The following EXOC3L2 variants were observed in gnomAD, a reference collection of about 807,000 sequenced individuals.
EXOC3L2 encodes exocyst complex component 3 like 2.
Under a neutral mutation model 44.4 loss-of-function variants are expected in EXOC3L2, and 17 were observed. That is an observed-to-expected ratio of 0.38 (90% CI 0.26 to 0.57). The LOEUF is 0.57. Among genes scored for constraint, EXOC3L2 ranks in the 20% least tolerant of loss-of-function variants. The pLI is 0.65. For missense variants in EXOC3L2, 541 were observed against 588.4 expected (o/e 0.92, Z 0.83); for synonymous variants, 256 against 253.7 (o/e 1.01, Z -0.09).
intron 1 of EXOC3L2, among the ~76,000 whole-genome samples, chr19:45,242,570 T>C (rs973706156): frequency 1.3e-5 from 2 of 151,974 alleles, no homozygotes; most frequent in Non-Finnish European, 2.9e-5. Flanking sequence ...GATTTTTGTT[T>C]TAAAGAACAA....
chr19:45,213,089 G>T lies in EXOC3L2; in HGVS notation c.2389C>A (p.Arg797=), dbSNP rs773913818. Reference sequence around the variant, plus strand: ...GACCCTCAGCGCTGGGCCCGAGGTCGCGCTAGAGACGGAGGCCGGGGCCGA... The same window carrying T: ...GACCCTCAGCGCTGGGCCCGAGGTCTCGCTAGAGACGGAGGCCGGGGCCGA... ...LPRPRPPSLA[R]PRAQR The change falls in exon 12 of 12, where the codon CGA becomes AGA. Residue 797 remains arginine, a synonymous_variant. Coordinates refer to ENST00000413988, the MANE Select transcript of EXOC3L2 (RefSeq NM_001382422.1). The T allele has an allele frequency of 6.6e-7, 1 of 1,513,920 alleles. No individual in the cohort carries two copies. Among genetic ancestry groups the T allele is most frequent in the Non-Finnish European group, 8.8e-7 (1 of 1,136,194 alleles). The allele number at this position is 1,513,920 out of a possible 1,614,324, so 93.8% of individuals were successfully genotyped here.
chr19:45,217,668 G>T lies in EXOC3L2; in HGVS notation c.1858C>A (p.Leu620Ile), dbSNP rs547242531. 2 of 1,408,424 alleles carry T rather than the reference G, an allele frequency of 1.4e-6. No individual in the cohort carries two copies. Among genetic ancestry groups the T allele is most frequent in the Admixed American group, 3.3e-5 (1 of 30,118 alleles). 87.2% of individuals were successfully genotyped at this position (1,408,424 alleles called of 1,614,324 possible). A position where few individuals can be genotyped will look rare whatever the true frequency, so the allele number is the denominator to read the frequency against. Residue 620 changes from leucine to isoleucine, a missense_variant, in exon 10 of 12, where the codon CTA becomes ATA. Leu to Ile is a conservative substitution (Grantham distance 5). Coordinates refer to ENST00000413988, the MANE Select transcript of EXOC3L2 (RefSeq NM_001382422.1). The stretch of plus-strand genomic sequence containing the variant: ...TACTCGACCAGCGCCCGCCGGTGTA[G>T]CTCGGCTACCAGCGCCTGGAGGCGG... ...DEPYQALVAE[L>I]HRRALVEYVR...
intron 1 of EXOC3L2, among the ~76,000 whole-genome samples, chr19:45,242,899 C>T (rs1479438931): frequency 6.6e-6 from 1 of 150,612 alleles, no homozygotes; most frequent in Non-Finnish European, 1.5e-5. Context: ...CAAATGCGTG[C>T]AGCCTCCTCC....
chr19:45,216,167 C>T lies in EXOC3L2; in HGVS notation c.2026G>A (p.Val676Met), dbSNP rs776797360. Residue 676 changes from valine to methionine, a missense_variant, in exon 11 of 12, where the codon GTG (valine) becomes ATG (methionine). By Grantham distance (21) the Val-to-Met change is conservative (BLOSUM62 1). Transcript: ENST00000413988. ...LESQASWLDA[V>M]VPHLAEVMQL... is the part of the protein sequence containing the mutation. ...ATGACTTCAGCCAAATGGGGCACCA[C>T]GGCATCCAGCCACGAGGCCTGGGAC... 24 of 1,613,754 alleles carry T rather than the reference C, an allele frequency of 1.5e-5. No individual in the cohort carries two copies. Among genetic ancestry groups the T allele is most frequent in the South Asian group, 1.4e-4 (13 of 91,080 alleles).
At chr19:45,221,915 G>A (rs1028698897) in intron 8 of EXOC3L2, among the ~76,000 whole-genome samples, 7 of 151,864 alleles carry the variant, frequency 4.6e-5, no homozygotes, top group African/African-American at 1.7e-4. Context: ...CTTCAAAAGT[G>A]CTGGGATTAC....
chr19:45,221,038 G>T (rs10407277), intron 8 of EXOC3L2, among the ~76,000 whole-genome samples: 18 of 149,962 alleles, frequency 1.2e-4, no homozygotes, highest in South Asian at 2.1e-4. Context: ...AGACAGGGGC[G>T]GGGGGAGGGT....
chr19:45,241,201 G>A (rs1237183814), intron 1 of EXOC3L2, among the ~76,000 whole-genome samples: 2 of 151,980 alleles, frequency 1.3e-5, no homozygotes, highest in South Asian at 2.1e-4. Flanking sequence ...TTGAAAAAGC[G>A]CAAACCAGGC....
intron 6 of EXOC3L2, 69 bp from the exon 7 acceptor site, chr19:45,227,841 A>G: frequency 6.5e-7 from 1 of 1,545,718 alleles, no homozygotes; most frequent in South Asian, 1.2e-5. Context: ...CCAGCCTGCC[A>G]AAGCCACCAT....
intron 7 of EXOC3L2, 64 bp from the exon 8 acceptor site, chr19:45,224,977 G>C: frequency 6.8e-7 from 1 of 1,464,692 alleles, no homozygotes; most frequent in Non-Finnish European, 9.1e-7. Flanking sequence ...GCCTAGGCCT[G>C]TCTTCCCTTA....
chr19:45,242,253 T>A (rs1439303660), intron 1 of EXOC3L2, among the ~76,000 whole-genome samples: 2 of 152,082 alleles, frequency 1.3e-5, no homozygotes, highest in African/African-American at 4.8e-5. Flanking sequence ...GCTCTCTTAG[T>A]TCAGGTTTTT....
chr19:45,237,418 T>C (rs1692549330), intron 2 of EXOC3L2, among the ~76,000 whole-genome samples: 1 of 152,130 alleles, frequency 6.6e-6, no homozygotes, highest in South Asian at 2.1e-4. Context: ...GGAGGATTGC[T>C]TGAGCCCAGG....
At position 45,239,134 on chromosome 19, in the gene EXOC3L2, C is replaced by T. The variant is rs1302724483; in HGVS notation, c.-16-73G>A. ...TATGGATGACGGTGCCTCTGTGTACCGAGCACTTTGGGGTGAGCGTACCAG... is the reference window on the plus strand; with the variant it reads ...TATGGATGACGGTGCCTCTGTGTACTGAGCACTTTGGGGTGAGCGTACCAG... On this transcript the variant is annotated intron_variant, in intron 1 of 11. Coordinates refer to ENST00000413988, the MANE Select transcript of EXOC3L2 (RefSeq NM_001382422.1). The T allele has an allele frequency of 1.0e-5, 4 of 397,602 alleles. No individual in the cohort carries two copies. In the East Asian group the frequency reaches 1.4e-4, roughly 14 times the overall value. 24.6% of individuals were successfully genotyped at this position (397,602 alleles called of 1,614,324 possible). A position where few individuals can be genotyped will look rare whatever the true frequency, so the allele number is the denominator to read the frequency against.
chr19:45,218,405 G>T lies in EXOC3L2; in HGVS notation c.1720-86C>A, dbSNP rs1413228939. ...GAATAAGTTCCTGCAACCCTGCTCC[G>T]TGTTGAACCAGGGCTGTGCGGTGCT... On this transcript the variant is annotated intron_variant, in intron 8 of 11. Transcript: ENST00000413988. 5 of 1,408,858 alleles carry T rather than the reference G, an allele frequency of 3.5e-6. No homozygotes were observed. In the East Asian group the frequency reaches 1.3e-4, roughly 37 times the overall value. The allele number at this position is 1,408,858 out of a possible 1,614,324, so 87.3% of individuals were successfully genotyped here.
At chr19:45,219,884 T>C (rs192547359) in intron 8 of EXOC3L2, among the ~76,000 whole-genome samples, 14 of 152,194 alleles carry the variant, frequency 9.2e-5, no homozygotes, top group African/African-American at 3.4e-4. Flanking sequence ...TGGAAAATTA[T>C]TAAGGGGCCA....
chr19:45,244,966 T>A (rs1970158087), intron 1 of EXOC3L2, among the ~76,000 whole-genome samples: 1 of 151,820 alleles, frequency 6.6e-6, no homozygotes, highest in African/African-American at 2.4e-5. Context: ...AGACCCCATC[T>A]CTTGGGATAG....
intron 2 of EXOC3L2, among the ~76,000 whole-genome samples, chr19:45,236,920 G>A (rs144825119): frequency 0.011 from 1,605 of 151,636 alleles, 29 homozygotes; most frequent in African/African-American, 0.037. Context: ...CAGGAGAATC[G>A]CTTGAACCCA....
At chr19:45,219,794 A>G (rs771617502) in intron 8 of EXOC3L2, among the ~76,000 whole-genome samples, 1 of 152,206 alleles carries the variant, frequency 6.6e-6, no homozygotes. Context: ...TAAATGAAGG[A>G]AAGTATTGCA....
chr19:45,224,938 C>T lies in EXOC3L2; in HGVS notation c.1584-25G>A, dbSNP rs574485558. ...TCTGTGGGGATCAACAGAGCCAAAA[C>T]TGAGGGACCCCAACATCTCAGCCCA... is the stretch of plus-strand genomic sequence containing the variant. On this transcript the variant is annotated intron_variant, in intron 7 of 11. Coordinates refer to ENST00000413988, the MANE Select transcript of EXOC3L2 (RefSeq NM_001382422.1). 1.0e-5 allele frequency: 15 copies of T among 1,495,492 alleles called. No individual in the cohort carries two copies. The African/African-American group carries it at 1.3e-4, about 13-fold the overall frequency. The allele number at this position is 1,495,492 out of a possible 1,614,324, so 92.6% of individuals were successfully genotyped here. A position where few individuals can be genotyped will look rare whatever the true frequency, so the allele number is the denominator to read the frequency against.
rs1763533700 is a variant in EXOC3L2 at position 45,238,695 on chromosome 19, G to A, written c.351C>T (p.Gly117=). 4 of 399,078 alleles carry A rather than the reference G, an allele frequency of 1.0e-5. No individual in the cohort carries two copies. The highest frequency in any genetic ancestry group is 1.8e-5 in the Non-Finnish European group (4 of 225,976). 24.7% of individuals were successfully genotyped at this position (399,078 alleles called of 1,614,324 possible). A position where few individuals can be genotyped will look rare whatever the true frequency, so the allele number is the denominator to read the frequency against. The change falls in exon 2 of 12, where the codon GGC becomes GGT. Residue 117 remains glycine (G), a synonymous_variant. Transcript: ENST00000413988. The surrounding 1 kb of genome is among the most constrained non-coding windows in gnomAD (Gnocchi z 5.5). ...CGGCCTCCCCCGCTGCCTCCTCGTC[G>A]CCGTGGGCTCGGGTCCCATGCAGCC... ...LARLHGTRAH[G]DEEAAGEAAR... is the part of the protein sequence containing the mutation.
Sources: allele counts gnomAD v4.1 joint callset (sites outside exome capture counted in the v4.1 genomes callset), GRCh38; gene constraint gnomAD v4.1.1; non-coding constraint Gnocchi (gnomAD v3.1); transcripts MANE v1.5; gene names NCBI Gene and HGNC (gene_info 2026-07-23, HGNC 2026-07-21).